AGPS: variants seen among roughly 807,000 people sequenced by gnomAD.
AGPS encodes alkylglycerone phosphate synthase, also known as alkyldihydroxyacetonephosphate synthase, peroxisomal.
A neutral mutation model predicts 90.7 loss-of-function variants in AGPS; 26 were observed. The ratio of observed to expected loss-of-function variants is 0.29; its 90% CI spans 0.21 to 0.40. The LOEUF (loss-of-function observed/expected upper bound fraction) is 0.40, where lower values mean the gene tolerates loss of function less well. AGPS is among the 10% of genes least tolerant of loss of function. The probability of loss-of-function intolerance (pLI) is 1.00; values close to 1 mark genes in which losing one functional copy is unlikely to be tolerated. For missense variants in AGPS, 540 were observed against 816.1 expected, an observed-to-expected ratio of 0.66 and a Z score of 4.12; for synonymous variants, 294 against 285.3, an observed-to-expected ratio of 1.03 and a Z score of -0.31.
chr2:177,476,211 T>G (rs1687777223), intron 10 of AGPS, among the ~76,000 whole-genome samples: 1 of 152,046 alleles, frequency 6.6e-6, no homozygotes, highest in Non-Finnish European at 1.5e-5. Context: ...TCCTTCTGTC[T>G]GCTTGTATTA....
In AGPS at chr2:177,541,620, A is replaced by G. The variant is rs1201681273; in HGVS notation, c.*3425A>G. ...TTTGTTTACCACTTAATCTTTATCA[A>G]CTTTGATTTTAGTTAGGGCTTAGCT... On this transcript the variant is annotated 3_prime_UTR_variant, in exon 20 of 20. Transcript: ENST00000264167. 1.3e-5 allele frequency: 2 copies of G among 152,190 alleles called. No individual in the cohort carries two copies. The highest frequency in any genetic ancestry group is 6.5e-5 in the Admixed American group (1 of 15,272). The allele number at this position is 152,190 out of a possible 1,614,324, so 9.4% of individuals were successfully genotyped here.
intron 11 of AGPS, among the ~76,000 whole-genome samples, chr2:177,489,900 G>C (rs1378955460): frequency 6.6e-6 from 1 of 152,040 alleles, no homozygotes. Context: ...TTACCAGCAG[G>C]GGTCACTTTA....
At position 177,423,047 on chromosome 2, in the gene AGPS, TA is replaced by T. The variant is rs1311978190; in HGVS notation, c.350+2692del. Among the ~76,000 whole-genome samples the T allele has an allele frequency of 2.7e-5, 2 of 73,696 alleles. 1 individual carries two copies. Among genetic ancestry groups the T allele is most frequent in the Non-Finnish European group, 6.7e-5 (2 of 29,874 alleles). 48.3% of individuals were successfully genotyped at this position (73,696 alleles called of 152,430 possible). On this transcript the variant is annotated intron_variant, in intron 2 of 19. Transcript: ENST00000264167. ...TGGGATTAAAAACCAGGTGTTTTTT[TA>T]AACTTCATTCTTCTGCAGTTTCTAT...
At chr2:177,448,029 A>C (rs190515155) in intron 8 of AGPS, among the ~76,000 whole-genome samples, 39 of 152,262 alleles carry the variant, frequency 2.6e-4, no homozygotes, top group Admixed American at 1.5e-3. Context: ...TACGTTTATT[A>C]AATCTTTGGC....
intron 8 of AGPS, among the ~76,000 whole-genome samples, chr2:177,446,009 T>G (rs181647207): frequency 4.0e-4 from 61 of 152,254 alleles, no homozygotes; most frequent in African/African-American, 6.5e-4. Flanking sequence ...TGGCATTTTT[T>G]TTGTTGTTGT....
chr2:177,488,359 C>G (rs568360998), intron 11 of AGPS, among the ~76,000 whole-genome samples: 1 of 151,900 alleles, frequency 6.6e-6, no homozygotes, highest in Non-Finnish European at 1.5e-5. Context: ...ACTACAGGCG[C>G]CCGCCACCAC....
chr2:177,399,290 A>T (rs192982016), intron 1 of AGPS, among the ~76,000 whole-genome samples: 1 of 152,208 alleles, frequency 6.6e-6, no homozygotes, highest in Admixed American at 6.5e-5. Context: ...TCCGATTAGT[A>T]TGTTAATTTC....
intron 1 of AGPS, chr2:177,393,598 T>C: frequency 1.0e-6 from 1 of 983,576 alleles, no homozygotes; most frequent in Non-Finnish European, 1.2e-6. Flanking sequence ...CGATGAATGG[T>C]AAGAAGCCAT....
chr2:177,496,167 C>T (rs1463448481), intron 12 of AGPS, among the ~76,000 whole-genome samples: 1 of 151,810 alleles, frequency 6.6e-6, no homozygotes. Flanking sequence ...ATATAAATCT[C>T]GATGAGTTAA....
At chr2:177,455,223 G>A (rs1340370413) in intron 8 of AGPS, among the ~76,000 whole-genome samples, 1 of 152,088 alleles carries the variant, frequency 6.6e-6, no homozygotes, top group African/African-American at 2.4e-5. Context: ...AGATCTCCAG[G>A]CACCTCTCTT....
At position 177,499,742 on chromosome 2, in the gene AGPS, A is replaced by G. The variant is rs375684020; in HGVS notation, c.1475+12A>G. On this transcript the variant is annotated intron_variant, in intron 14 of 19. Coordinates refer to ENST00000264167, the MANE Select transcript of AGPS (RefSeq NM_003659.4). ...GCTGCAAAATTTGGGTATGGCTTCA[A>G]GTTCATAATGCCAAGAGAAAGAGTT... 241 of 1,506,338 alleles carry G rather than the reference A, an allele frequency of 1.6e-4. 3 individuals carry two copies. The highest frequency in any genetic ancestry group is 9.8e-4 in the South Asian group (87 of 88,894). The allele number at this position is 1,506,338 out of a possible 1,614,324, so 93.3% of individuals were successfully genotyped here. A position where few individuals can be genotyped will look rare whatever the true frequency, so the allele number is the denominator to read the frequency against.
intron 12 of AGPS, among the ~76,000 whole-genome samples, chr2:177,497,232 TAAG>T (rs1688437302): frequency 6.6e-6 from 1 of 151,844 alleles, no homozygotes; most frequent in Non-Finnish European, 1.5e-5. Flanking sequence ...AACAATTAAT[TAAG>T]AAACAACCTT....
At chr2:177,529,157 G>A (rs770388849) in intron 19 of AGPS, among the ~76,000 whole-genome samples, 3 of 151,866 alleles carry the variant, frequency 2.0e-5, no homozygotes, top group South Asian at 4.1e-4. Flanking sequence ...ACTCCCGGCC[G>A]CATATTATTC....
At chr2:177,507,613 A>G (rs756791980) in intron 15 of AGPS, among the ~76,000 whole-genome samples, 2 of 152,100 alleles carry the variant, frequency 1.3e-5, no homozygotes, top group Non-Finnish European at 2.9e-5. Flanking sequence ...ATATTGGTTA[A>G]TTTACTATTT....
chr2:177,532,114 A>G (rs2079143583), intron 19 of AGPS, among the ~76,000 whole-genome samples: 1 of 152,206 alleles, frequency 6.6e-6, no homozygotes. Flanking sequence ...TAAAAAATTG[A>G]TAAACTGGAT....
chr2:177,488,983 T>A (rs1335884698), intron 11 of AGPS, among the ~76,000 whole-genome samples: 1 of 152,172 alleles, frequency 6.6e-6, no homozygotes, highest in Non-Finnish European at 1.5e-5. Context: ...AGGTGCCTTC[T>A]CAAATATGTC....
intron 14 of AGPS, among the ~76,000 whole-genome samples, chr2:177,505,298 C>CT (rs1169026943): frequency 6.6e-6 from 1 of 151,812 alleles, no homozygotes; most frequent in East Asian, 1.9e-4. Flanking sequence ...TCTTTCTGTG[C>CT]TTTTTTGAGA....
intron 11 of AGPS, among the ~76,000 whole-genome samples, chr2:177,483,255 A>C (rs1267917758): frequency 6.6e-6 from 1 of 152,216 alleles, no homozygotes; most frequent in Non-Finnish European, 1.5e-5. Context: ...AAGAACTTTA[A>C]AATGAGAAAA....
chr2:177,419,875 A>AG (rs1050989830), intron 1 of AGPS, among the ~76,000 whole-genome samples: 3 of 151,654 alleles, frequency 2.0e-5, no homozygotes, highest in Non-Finnish European at 4.4e-5. Flanking sequence ...AATAATTATG[A>AG]TTTTTTTCTC....
Sources: gnomAD v4.1 joint callset for allele counts (sites outside exome capture counted in the v4.1 genomes callset) on GRCh38, gnomAD v4.1.1 for gene constraint, MANE v1.5 for transcripts, NCBI Gene and HGNC (gene_info 2026-07-23, HGNC 2026-07-21) for gene names.